AATK: variants seen among roughly 807,000 people sequenced by gnomAD.
AATK encodes lemur tail kinase 1.
In AATK, 91 loss-of-function variants were observed where a neutral mutation model predicts 114.3. That is an observed-to-expected ratio of 0.80 (90% CI 0.67 to 0.95). The LOEUF (loss-of-function observed/expected upper bound fraction) is 0.95, where lower values mean the gene tolerates loss of function less well. AATK is among the 40% of genes least tolerant of loss of function. The probability of loss-of-function intolerance (pLI) is 0.00; values close to 1 mark genes in which losing one functional copy is unlikely to be tolerated. For missense variants in AATK, 2,176 were observed against 1,965.2 expected (o/e 1.11, Z -2.03); for synonymous variants, 1,075 against 916.5 (o/e 1.17, Z -3.12).
At chr17:81,123,710 G>A (rs569713087) in intron 9 of AATK, among the ~76,000 whole-genome samples, 20 of 138,558 alleles carry the variant, frequency 1.4e-4, no homozygotes, top group African/African-American at 2.6e-4. Flanking sequence ...AGTAGGGCCC[G>A]CACCAGCAGG....
intron 3 of AATK, among the ~76,000 whole-genome samples, chr17:81,129,732 C>G (rs556358416): frequency 2.0e-5 from 3 of 152,168 alleles, no homozygotes; most frequent in Non-Finnish European, 4.4e-5. Context: ...TGCCCCTGGA[C>G]CCAAGGGCAG....
At chr17:81,136,031 A>G (rs1381435942) in intron 1 of AATK, 1 of 152,194 alleles carries the variant, frequency 6.6e-6, no homozygotes, top group Non-Finnish European at 1.5e-5. Context: ...CTGTGTTCTC[A>G]TACCCGAACG....
Position 81,120,407 on chromosome 17 carries a change from A to C in AATK, c.3529T>G (p.Cys1177Gly). The C allele has an allele frequency of 1.3e-6, 2 of 1,597,438 alleles. No homozygotes were observed. The highest frequency in any genetic ancestry group is 1.7e-6 in the Non-Finnish European group (2 of 1,170,868). ...TCGCTAGGCTCCTGGACGCTGTAGC[A>C]GCGGAGCTCCTCGTCAGACTCGTCG... ...DSDESDEELR[C>G]YSVQEPSEDS... Residue 1177 changes from cysteine to glycine, a missense_variant, in exon 11 of 14, where the codon TGC becomes GGC. By Grantham distance (159) the Cys-to-Gly change is radical. Around this residue, in one of 4 missense-constraint regions of AATK, gnomAD observed 1,701 missense variants for 1,394.7 expected, o/e 1.22. Coordinates refer to ENST00000326724, the MANE Select transcript of AATK (RefSeq NM_001080395.3).
chr17:81,136,774 G>A (rs1275607440), intron 1 of AATK, among the ~76,000 whole-genome samples: 1 of 152,150 alleles, frequency 6.6e-6, no homozygotes, highest in African/African-American at 2.4e-5. Context: ...TAGGGGTGGG[G>A]GACTGTCCAC....
intron 13 of AATK, among the ~76,000 whole-genome samples, 156 bp from the exon 14 acceptor site, chr17:81,118,598 T>G (rs2060604582): frequency 6.6e-6 from 1 of 151,968 alleles, no homozygotes; most frequent in East Asian, 1.9e-4. Context: ...TGGACCCATT[T>G]CCCCCACTCC....
intron 1 of AATK, among the ~76,000 whole-genome samples, chr17:81,153,345 G>T (rs2061321083): frequency 6.6e-6 from 1 of 152,204 alleles, no homozygotes; most frequent in Non-Finnish European, 1.5e-5. Flanking sequence ...TTGGAATTAG[G>T]TGTGATCAAG....
intron 2 of AATK, chr17:81,133,343 C>G (rs1177117543): frequency 2.6e-6 from 1 of 378,694 alleles, no homozygotes; most frequent in South Asian, 1.9e-5. Flanking sequence ...CATTCTGCGT[C>G]ATGACATACC....
chr17:81,157,889 C>T (rs920207337), intron 1 of AATK, among the ~76,000 whole-genome samples: 3 of 152,230 alleles, frequency 2.0e-5, no homozygotes, highest in Non-Finnish European at 4.4e-5. Context: ...CCTTGGCCCT[C>T]GGTCCCGCTC....
In AATK at chr17:81,121,999, G is replaced by A. The variant is rs752207629; in HGVS notation, c.1937C>T (p.Ser646Phe). 10 of 1,601,892 alleles carry A rather than the reference G, an allele frequency of 6.2e-6. No individual in the cohort carries two copies. The highest frequency in any genetic ancestry group is 2.2e-5 in the East Asian group (1 of 44,842). The change falls in exon 11 of 14, where the codon TCC (serine) becomes TTC (phenylalanine). Residue 646 changes from serine to phenylalanine, a missense_variant. Around this residue, in one of 4 missense-constraint regions of AATK, gnomAD observed 1,701 missense variants for 1,394.7 expected, o/e 1.22. Transcript: ENST00000326724. Reference protein sequence around the residue: ...PAFFEDPLGTSPLGSSGAPPL... With the variant: ...PAFFEDPLGTFPLGSSGAPPL... ...GGGCGCCCCTGAGCTCCCCAAAGGG[G>A]ACGTGCCCAGTGGGTCCTCGAAGAA... is the stretch of plus-strand genomic sequence containing the variant.
Position 81,124,952 on chromosome 17 carries a change from C to G in AATK, c.818G>C (p.Gly273Ala). 6.3e-7 allele frequency: 1 copy of G among 1,577,404 alleles called. No homozygotes were observed. The highest frequency in any genetic ancestry group is 8.6e-7 in the Non-Finnish European group (1 of 1,161,904). The change falls in exon 8 of 14, where the codon GGC becomes GCC. Residue 273 changes from glycine to alanine, a missense_variant. By Grantham distance (60) the Gly-to-Ala change is moderately conservative (BLOSUM62 0). This residue lies in a region of AATK where 273 missense variants were observed against 344.1 expected (regional missense o/e 0.79). Coordinates refer to ENST00000326724, the MANE Select transcript of AATK (RefSeq NM_001080395.3). ...ADLTVKIGDY[G>A]LAHCKYREDY... ...CACTCTGTACTTGCAGTGAGCCAGG[C>G]CATAGTCACCAATCTTCACCGTCAG...
chr17:81,129,033 C>G, intron 3 of AATK: 1 of 531,960 alleles, frequency 1.9e-6, no homozygotes, highest in East Asian at 1.2e-4. Flanking sequence ...GCACACTGGC[C>G]CATTCTCCCC....
chr17:81,121,940 C>T lies in AATK; in HGVS notation c.1996G>A (p.Glu666Lys), dbSNP rs1185179378. ...TGGGCGGCCCTCCGCGCTCCCACCT[C>T]CTCTAGCTCATCCTCGCCAGTCAGC... Reference protein sequence around the residue: ...LPLTGEDELEEVGARRAAQRG... With the variant: ...LPLTGEDELEKVGARRAAQRG... Residue 666 changes from glutamate (E) to lysine (K), a missense_variant, in exon 11 of 14, where the codon GAG becomes AAG. This residue lies in a region of AATK where 1,701 missense variants were observed against 1,394.7 expected (regional missense o/e 1.22). Coordinates refer to ENST00000326724, the MANE Select transcript of AATK (RefSeq NM_001080395.3). 1 of 1,600,446 alleles carries T rather than the reference C, an allele frequency of 6.2e-7. No homozygotes were observed. Among genetic ancestry groups the T allele is most frequent in the Non-Finnish European group, 8.5e-7 (1 of 1,177,814 alleles).
chr17:81,128,439 G>A (rs541245425), intron 4 of AATK, 31 bp downstream of exon 4: 35 of 1,547,718 alleles, frequency 2.3e-5, no homozygotes, highest in African/African-American at 5.5e-5. Flanking sequence ...CCTCCCAGGC[G>A]GGAGTCCTCC....
intron 7 of AATK, chr17:81,125,406 G>C (rs376411494): frequency 2.0e-6 from 1 of 512,258 alleles, no homozygotes; most frequent in African/African-American, 1.9e-5. Context: ...GGTGGGAATT[G>C]ATGGGGAAAC....
At chr17:81,123,679 C>T (rs547244309) in intron 9 of AATK, among the ~76,000 whole-genome samples, 10 of 113,542 alleles carry the variant, frequency 8.8e-5, no homozygotes, top group Non-Finnish European at 8.8e-5. Context: ...AGCTGGAGGG[C>T]GGGCGTGGAG....
intron 3 of AATK, among the ~76,000 whole-genome samples, chr17:81,129,155 G>A (rs1043537706): frequency 2.0e-5 from 3 of 152,226 alleles, no homozygotes; most frequent in South Asian, 2.1e-4. Flanking sequence ...GGGATTCCCC[G>A]AATTCTGCTC....
chr17:81,128,564 G>A lies in AATK; in HGVS notation c.335-15C>T, dbSNP rs1270197157. On this transcript the variant is annotated splice_polypyrimidine_tract_variant and intron_variant, in intron 3 of 13. Transcript: ENST00000326724. ...GAGGAGCTGCACTGTAACCAAGCAG[G>A]GGGTTCAGGGACCCAGTGTGGCCTC... 5.8e-6 allele frequency: 9 copies of A among 1,548,558 alleles called. No individual in the cohort carries two copies. The East Asian group carries it at 1.7e-4, about 29-fold the overall frequency.
chr17:81,165,564 G>T, intron 1 of AATK: 2 of 1,141,188 alleles, frequency 1.8e-6, no homozygotes, highest in South Asian at 1.3e-5. Flanking sequence ...CCCAGGAGAG[G>T]CCATGGAAAG....
At chr17:81,132,688 T>C in intron 2 of AATK, 1 of 332,396 alleles carries the variant, frequency 3.0e-6, no homozygotes, top group South Asian at 2.2e-5. Context: ...GTCCTGCCGA[T>C]ACAGCGTGCA....
Sources: allele counts gnomAD v4.1 joint callset (sites outside exome capture counted in the v4.1 genomes callset), GRCh38; gene constraint gnomAD v4.1.1; regional missense constraint gnomAD v4.1.1; transcripts MANE v1.5; gene names NCBI Gene and HGNC (gene_info 2026-07-23, HGNC 2026-07-21).